Variants in TPD52 observed in about 807,000 individuals in gnomAD.
TPD52 encodes prostate and colon associated protein.
A neutral mutation model predicts 31.3 loss-of-function variants in TPD52; 17 were observed. That is an observed-to-expected ratio of 0.54 (90% CI 0.37 to 0.82). The LOEUF (loss-of-function observed/expected upper bound fraction) is 0.82, where lower values mean the gene tolerates loss of function less well. Among genes scored for constraint, TPD52 ranks in the 40% least tolerant of loss-of-function variants. The pLI is 0.00. For synonymous variants in TPD52, 83 were observed against 89.6 expected (o/e 0.93, Z 0.42); for missense variants, 212 against 240.1 (o/e 0.88, Z 0.77).
At chr8:80,099,101 C>T (rs898750117) in intron 1 of TPD52, among the ~76,000 whole-genome samples, 2 of 152,132 alleles carry the variant, frequency 1.3e-5, no homozygotes, top group Admixed American at 6.5e-5. Context: ...ATTTAAAAGA[C>T]TACAGTATAG....
intron 1 of TPD52, among the ~76,000 whole-genome samples, chr8:80,075,067 C>T (rs1009585533): frequency 2.6e-5 from 4 of 152,026 alleles, no homozygotes; most frequent in African/African-American, 9.7e-5. Context: ...ACAATCTCTG[C>T]CTCCCAAGTT....
downstream of TPD52, among the ~76,000 whole-genome samples, chr8:80,033,712 G>A (rs925503587): frequency 6.6e-6 from 1 of 152,188 alleles, no homozygotes; most frequent in Non-Finnish European, 1.5e-5. Context: ...AGGCAGAGAG[G>A]AGCGTTATTG....
chr8:80,116,746 A>G (rs1807891222), intron 1 of TPD52, among the ~76,000 whole-genome samples: 1 of 151,346 alleles, frequency 6.6e-6, no homozygotes. Flanking sequence ...AGTCCTCAGC[A>G]TAATACTAGC....
chr8:80,051,617 G>A lies in TPD52; in HGVS notation c.296C>T (p.Thr99Ile). The A allele has an allele frequency of 6.2e-7, 1 of 1,603,838 alleles. No homozygotes were observed. Among genetic ancestry groups the A allele is most frequent in the Non-Finnish European group, 8.5e-7 (1 of 1,176,734 alleles). Residue 99 changes from threonine to isoleucine, a missense_variant, in exon 4 of 8, where the codon ACA becomes ATA. Coordinates refer to ENST00000518937, the MANE Select transcript of TPD52 (RefSeq NM_001025253.3). ...TCCAGCCTGGGATAAGGTTTCAGAT[G>A]TCTTCTTGTAACTATATTAAATTAT... The part of the protein sequence containing the change: ...DVTATSAYKK[T>I]SETLSQAGQK...
chr8:80,154,741 AC>A (rs59384176), intron 1 of TPD52, among the ~76,000 whole-genome samples: 1,217 of 80,746 alleles, frequency 0.015, 7 homozygotes, highest in East Asian at 0.048. Flanking sequence ...ACACACACAC[AC>A]ACACACACAC....
chr8:80,110,430 C>A (rs1339653850), intron 1 of TPD52, among the ~76,000 whole-genome samples: 1 of 152,010 alleles, frequency 6.6e-6, no homozygotes, highest in Non-Finnish European at 1.5e-5. Flanking sequence ...CACACTAAGA[C>A]AAAGACAACC....
intron 1 of TPD52, among the ~76,000 whole-genome samples, chr8:80,099,947 CA>C (rs1316746267): frequency 1.2e-4 from 18 of 152,346 alleles, no homozygotes; most frequent in African/African-American, 4.1e-4. Context: ...ATCAAGATGA[CA>C]AACCTATTAT....
chr8:80,090,775 T>C (rs1017931806), intron 1 of TPD52, among the ~76,000 whole-genome samples: 4 of 152,224 alleles, frequency 2.6e-5, no homozygotes, highest in African/African-American at 9.6e-5. Flanking sequence ...CTAGCAGGCA[T>C]ATGCAAATTA....
At chr8:80,140,025 C>T (rs538124141) in intron 1 of TPD52, among the ~76,000 whole-genome samples, 22 of 152,214 alleles carry the variant, frequency 1.4e-4, no homozygotes, top group Non-Finnish European at 2.4e-4. Flanking sequence ...CCTATTTATG[C>T]TCTCAACATA....
chr8:80,038,485 TTG>T (rs1438591542), intron 7 of TPD52, among the ~76,000 whole-genome samples: 1 of 152,196 alleles, frequency 6.6e-6, no homozygotes, highest in African/African-American at 2.4e-5. Flanking sequence ...CCCCTGCTCC[TTG>T]TTCTTCACAG....
chr8:80,118,853 G>A (rs574485346), intron 1 of TPD52, among the ~76,000 whole-genome samples: 2 of 152,100 alleles, frequency 1.3e-5, no homozygotes, highest in East Asian at 1.9e-4. Context: ...TCAGAAAACC[G>A]TCTAGCATTT....
intron 1 of TPD52, among the ~76,000 whole-genome samples, chr8:80,102,067 G>A (rs1220848862): frequency 6.6e-6 from 1 of 152,216 alleles, no homozygotes; most frequent in Non-Finnish European, 1.5e-5. Flanking sequence ...AATAGGAATT[G>A]CAGCATGTCC....
At chr8:80,128,421 G>A (rs1307474050) in intron 1 of TPD52, among the ~76,000 whole-genome samples, 6 of 147,064 alleles carry the variant, frequency 4.1e-5, no homozygotes, top group Admixed American at 2.1e-4. Flanking sequence ...TTAGGAGGCC[G>A]AGGTGGAAAG....
chr8:80,115,140 T>A (rs1024002693), intron 1 of TPD52, among the ~76,000 whole-genome samples: 1 of 152,208 alleles, frequency 6.6e-6, no homozygotes, highest in Non-Finnish European at 1.5e-5. Context: ...TTGACTTTTT[T>A]AAACACAGAG....
chr8:80,105,483 G>A (rs1807035652), intron 1 of TPD52, among the ~76,000 whole-genome samples: 1 of 152,000 alleles, frequency 6.6e-6, no homozygotes, highest in South Asian at 2.1e-4. Context: ...AATCGATCAC[G>A]ACCCTCTCAT....
intron 1 of TPD52, among the ~76,000 whole-genome samples, chr8:80,120,809 G>A (rs1360964160): frequency 6.6e-6 from 1 of 152,148 alleles, no homozygotes; most frequent in Non-Finnish European, 1.5e-5. Flanking sequence ...ACTGGACGGG[G>A]TGGTTCAGGC....
At chr8:80,090,708 G>GAA (rs61605939) in intron 1 of TPD52, among the ~76,000 whole-genome samples, 10 of 124,368 alleles carry the variant, frequency 8.0e-5, no homozygotes, top group Non-Finnish European at 3.5e-5. Context: ...TTATAAGAAA[G>GAA]AAAAAAAAAA....
intron 1 of TPD52, among the ~76,000 whole-genome samples, chr8:80,101,062 C>T (rs1806694822): frequency 6.6e-6 from 1 of 152,102 alleles, no homozygotes; most frequent in Non-Finnish European, 1.5e-5. Flanking sequence ...TACTATTGAA[C>T]GTATTAGCAG....
At chr8:80,048,346 T>C (rs1376515825) in intron 5 of TPD52, among the ~76,000 whole-genome samples, 1 of 152,238 alleles carries the variant, frequency 6.6e-6, no homozygotes, top group Non-Finnish European at 1.5e-5. Flanking sequence ...ACATTCAGGT[T>C]GGCAAAACTG....
Sources: allele counts gnomAD v4.1 joint callset (sites outside exome capture counted in the v4.1 genomes callset), GRCh38; gene constraint gnomAD v4.1.1; transcripts MANE v1.5; gene names NCBI Gene and HGNC (gene_info 2026-07-23, HGNC 2026-07-21).